Variants in ZNF407 observed in about 807,000 individuals in gnomAD.
The protein encoded by ZNF407 is zinc finger protein 407.
A neutral mutation model predicts 131.2 loss-of-function variants in ZNF407; 17 were observed. The ratio of observed to expected loss-of-function variants is 0.13; its 90% CI spans 0.09 to 0.19. The LOEUF (loss-of-function observed/expected upper bound fraction) is 0.19, where lower values mean the gene tolerates loss of function less well. Ranked by LOEUF, ZNF407 falls within the 10% of genes least tolerant of loss-of-function variation. The probability of loss-of-function intolerance (pLI) is 1.00; values close to 1 mark genes in which losing one functional copy is unlikely to be tolerated. For synonymous variants in ZNF407, 1,156 were observed against 1,062.0 expected (o/e 1.09, Z -1.72); for missense variants, 2,681 against 2,830.6 (o/e 0.95, Z 1.20).
chr18:74,756,874 A>T (rs1452082260), intron 3 of ZNF407, among the ~76,000 whole-genome samples: 3 of 152,080 alleles, frequency 2.0e-5, no homozygotes, highest in Admixed American at 6.5e-5. Flanking sequence ...TAGATAGTTT[A>T]GTTGGCACAT....
At chr18:75,042,793 C>T (rs755940533) in intron 8 of ZNF407, among the ~76,000 whole-genome samples, 9 of 152,208 alleles carry the variant, frequency 5.9e-5, no homozygotes, top group Non-Finnish European at 1.2e-4. Flanking sequence ...TCTTTTCCAG[C>T]ATGTCACGTC....
chr18:74,803,167 C>G (rs2145073895), intron 4 of ZNF407, among the ~76,000 whole-genome samples: 1 of 152,192 alleles, frequency 6.6e-6, no homozygotes, highest in East Asian at 1.9e-4. Context: ...CTGTAACAGC[C>G]TTGTATTTCA....
rs79415348 is a variant in ZNF407 at position 74,974,722 on chromosome 18, T to A, written c.5428+54030T>A. 6.3e-3 allele frequency among the ~76,000 whole-genome samples: 958 copies of A among 152,282 alleles called. 10 individuals are homozygous for A. The highest frequency in any genetic ancestry group is 0.022 in the African/African-American group (915 of 41,538). ...GGCATGAGGGGACACTAATTTGAGA[T>A]CATCAGAGTTCTTCATGCAATGAAA... On this transcript the variant is annotated intron_variant, in intron 8 of 8. Transcript: ENST00000299687.
At chr18:74,767,652 T>C (rs1223931184) in intron 3 of ZNF407, among the ~76,000 whole-genome samples, 2 of 13,504 alleles carry the variant, frequency 1.5e-4, no homozygotes, top group Admixed American at 4.1e-3. Context: ...GAATTCTCTT[T>C]TTTTTTTTTT....
Position 75,063,355 on chromosome 18 carries a change from G to A in ZNF407, c.5634G>A (p.Leu1878=). The part of the protein sequence containing the change: ...IFQGYDGEFA[L]DPSVEETAAA... ...AGGGCTACGACGGGGAGTTTGCCCT[G>A]GACCCCTCGGTGGAGGAGACGGCCG... The change falls in exon 9 of 9, where the codon CTG becomes CTA. Residue 1878 remains leucine (L), a synonymous_variant. Coordinates refer to ENST00000299687, the MANE Select transcript of ZNF407 (RefSeq NM_017757.3). The surrounding 1 kb of genome is among the most constrained non-coding windows in gnomAD (Gnocchi z 6.6). 1 of 1,612,438 alleles carries A rather than the reference G, an allele frequency of 6.2e-7. No homozygotes were observed.
intron 8 of ZNF407, among the ~76,000 whole-genome samples, chr18:75,022,164 G>C (rs895027378): frequency 2.6e-5 from 4 of 152,086 alleles, no homozygotes; most frequent in African/African-American, 9.7e-5. Context: ...GTCTATCAAA[G>C]TCACAATAAA....
chr18:74,997,040 T>A (rs1193971972), intron 8 of ZNF407, among the ~76,000 whole-genome samples: 1 of 152,164 alleles, frequency 6.6e-6, no homozygotes, highest in Non-Finnish European at 1.5e-5. Flanking sequence ...TGTCATAAAA[T>A]TAAAGAAAAA....
intron 4 of ZNF407, among the ~76,000 whole-genome samples, chr18:74,876,932 AC>A (rs1266086725): frequency 6.6e-6 from 1 of 152,126 alleles, no homozygotes; most frequent in African/African-American, 2.4e-5. Context: ...ATCTATTCTC[AC>A]TTTTGCCTCA....
rs1984199455 is a variant in ZNF407 at position 74,632,861 on chromosome 18, T to G, written c.1842T>G (p.His614Gln). The G allele has an allele frequency of 6.2e-7, 1 of 1,613,462 alleles. No individual in the cohort carries two copies. Among genetic ancestry groups the G allele is most frequent in the South Asian group, 1.1e-5 (1 of 91,080 alleles). Residue 614 changes from histidine to glutamine, a missense_variant, in exon 2 of 9, where the codon CAT becomes CAG. By Grantham distance (24) the His-to-Gln change is conservative (BLOSUM62 0). Around this residue, in one of 6 missense-constraint regions of ZNF407, gnomAD observed 1,789 missense variants for 1,748.7 expected, o/e 1.02. Coordinates refer to ENST00000299687, the MANE Select transcript of ZNF407 (RefSeq NM_017757.3). ...RDHMKEKHNM[H>Q]FLCTPCNLFF... ...ACATGAAGGAAAAGCACAATATGCA[T>G]TTTCTTTGCACCCCTTGTAATCTGT...
intron 3 of ZNF407, among the ~76,000 whole-genome samples, chr18:74,746,892 C>T (rs1476162704): frequency 6.6e-6 from 1 of 151,930 alleles, no homozygotes. Context: ...CTATCATTAT[C>T]AGTTACATAC....
chr18:74,701,470 A>G (rs1268621409), intron 3 of ZNF407, among the ~76,000 whole-genome samples: 2 of 152,160 alleles, frequency 1.3e-5, no homozygotes, highest in Admixed American at 1.3e-4. Context: ...TCTGTGTTTC[A>G]TGCTATGTAT....
chr18:74,895,001 T>A (rs1157867220), intron 7 of ZNF407, among the ~76,000 whole-genome samples: 1 of 152,158 alleles, frequency 6.6e-6, no homozygotes, highest in Non-Finnish European at 1.5e-5. Flanking sequence ...TTTTTATTCA[T>A]TACTTGACAT....
At chr18:74,832,161 TCA>T (rs1174564664) in intron 4 of ZNF407, among the ~76,000 whole-genome samples, 1 of 152,196 alleles carries the variant, frequency 6.6e-6, no homozygotes, top group African/African-American at 2.4e-5. Context: ...TTTTCCTGTC[TCA>T]CAGACGAAGA....
chr18:74,860,484 A>ATATTATTATTATTAC (rs1555695485), intron 4 of ZNF407, among the ~76,000 whole-genome samples: 2 of 145,512 alleles, frequency 1.4e-5, no homozygotes, highest in African/African-American at 5.0e-5. Context: ...CAGAACCTCT[A>ATATTATTATTATTAC]TATTATTATT....
At position 74,658,771 on chromosome 18, in the gene ZNF407, C is replaced by T. The variant is rs568181094; in HGVS notation, c.4802+17649C>T. On this transcript the variant is annotated intron_variant, in intron 3 of 8. Transcript: ENST00000299687. ...GAGTGTCTGACTTGGGTTGATGTTACGTGATTTTTTGCTTGGAGTGTTCTC... is the reference window on the plus strand; with the variant it reads ...GAGTGTCTGACTTGGGTTGATGTTATGTGATTTTTTGCTTGGAGTGTTCTC... 2.5e-4 allele frequency among the ~76,000 whole-genome samples: 38 copies of T among 152,136 alleles called. No homozygotes were observed. The East Asian group carries it at 6.6e-3, about 26-fold the overall frequency.
At chr18:74,619,806 C>T (rs1333832233) in intron 1 of ZNF407, among the ~76,000 whole-genome samples, 1 of 152,098 alleles carries the variant, frequency 6.6e-6, no homozygotes, top group Non-Finnish European at 1.5e-5. Context: ...AATCCCATTT[C>T]TCTGTAGCTG....
chr18:74,841,309 C>T (rs1358506820), intron 4 of ZNF407, among the ~76,000 whole-genome samples: 1 of 152,152 alleles, frequency 6.6e-6, no homozygotes, highest in Non-Finnish European at 1.5e-5. Flanking sequence ...ATATTAGTTC[C>T]TCACTCCACC....
chr18:74,720,794 C>T (rs1319119796), intron 3 of ZNF407, among the ~76,000 whole-genome samples: 2 of 152,032 alleles, frequency 1.3e-5, no homozygotes, highest in East Asian at 1.9e-4. Flanking sequence ...CAACTCTGTA[C>T]ATATGTGGAT....
intron 8 of ZNF407, among the ~76,000 whole-genome samples, chr18:74,932,104 T>C (rs1971989307): frequency 6.6e-6 from 1 of 152,230 alleles, no homozygotes; most frequent in Non-Finnish European, 1.5e-5. Flanking sequence ...AAAAGCTAGT[T>C]GCCTAACTTG....
Sources: gnomAD v4.1 joint callset for allele counts (sites outside exome capture counted in the v4.1 genomes callset) on GRCh38, gnomAD v4.1.1 for gene constraint, gnomAD v4.1.1 regional missense constraint, Gnocchi (gnomAD v3.1) non-coding constraint, MANE v1.5 for transcripts, NCBI Gene and HGNC (gene_info 2026-07-23, HGNC 2026-07-21) for gene names.